Variants in PLA2G4A observed in about 807,000 individuals in gnomAD.
The protein encoded by PLA2G4A is phospholipase A2 group IVA.
Under a neutral mutation model 81.9 loss-of-function variants are expected in PLA2G4A, and 40 were observed. That is an observed-to-expected ratio of 0.49 (90% confidence interval 0.38 to 0.64). The LOEUF (loss-of-function observed/expected upper bound fraction) is 0.64, where lower values mean the gene tolerates loss of function less well. Ranked by LOEUF, PLA2G4A falls within the 30% of genes least tolerant of loss-of-function variation. The pLI is 0.00. For missense variants in PLA2G4A, 715 were observed against 905.1 expected (o/e 0.79, Z 2.69); for synonymous variants, 302 against 296.9 (o/e 1.02, Z -0.18).
chr1:186,844,637 C>T (rs996796563), intron 1 of PLA2G4A, among the ~76,000 whole-genome samples: 1 of 151,986 alleles, frequency 6.6e-6, no homozygotes, highest in African/African-American at 2.4e-5. Context: ...GTTCTAGATC[C>T]CTGTTGGGGG....
At chr1:186,968,138 G>A (rs1045552152) in intron 15 of PLA2G4A, among the ~76,000 whole-genome samples, 3 of 151,864 alleles carry the variant, frequency 2.0e-5, no homozygotes, top group Non-Finnish European at 4.4e-5. Flanking sequence ...CACCAATGGG[G>A]GTATAAAATG....
At chr1:186,937,029 T>G (rs1655972322) in intron 8 of PLA2G4A, among the ~76,000 whole-genome samples, 1 of 71,060 alleles carries the variant, frequency 1.4e-5, no homozygotes, top group Middle Eastern at 9.6e-3. Flanking sequence ...TACTTTTATG[T>G]TTTTTTTTTT....
chr1:186,971,292 T>C (rs1657346786), intron 15 of PLA2G4A, among the ~76,000 whole-genome samples: 1 of 151,968 alleles, frequency 6.6e-6, no homozygotes, highest in Non-Finnish European at 1.5e-5. Flanking sequence ...TTTTAATAAC[T>C]GTAGCTTTAT....
At chr1:186,893,810 G>T (rs1571374652) in intron 4 of PLA2G4A, among the ~76,000 whole-genome samples, 1 of 151,428 alleles carries the variant, frequency 6.6e-6, no homozygotes, top group East Asian at 2.0e-4. Flanking sequence ...TGTAATCCCA[G>T]CTACTCAGGA....
chr1:186,876,858 C>T (rs746310206), intron 3 of PLA2G4A, among the ~76,000 whole-genome samples: 14 of 152,044 alleles, frequency 9.2e-5, no homozygotes, highest in Non-Finnish European at 1.5e-4. Flanking sequence ...AAGGGTAACC[C>T]TCTTTCCTTC....
chr1:186,890,577 C>T (rs747576365), intron 3 of PLA2G4A, among the ~76,000 whole-genome samples: 11 of 152,098 alleles, frequency 7.2e-5, no homozygotes, highest in African/African-American at 9.7e-5. Context: ...CGTTACTGGC[C>T]GGGCATGGTG....
chr1:186,975,638 G>C (rs55834900), intron 15 of PLA2G4A, among the ~76,000 whole-genome samples: 10,188 of 152,286 alleles, frequency 0.067, 385 homozygotes, highest in Middle Eastern at 0.11. Context: ...AAATAGAGAT[G>C]AGATGGGATT....
intron 8 of PLA2G4A, among the ~76,000 whole-genome samples, chr1:186,938,640 C>A (rs570267721): frequency 6.6e-6 from 1 of 152,096 alleles, no homozygotes; most frequent in Non-Finnish European, 1.5e-5. Context: ...AGTCTTGGAG[C>A]CAGACAAGTC....
intron 17 of PLA2G4A, among the ~76,000 whole-genome samples, chr1:186,986,156 A>G (rs1657884672): frequency 6.6e-6 from 1 of 152,192 alleles, no homozygotes; most frequent in Non-Finnish European, 1.5e-5. Context: ...TTCCTTTATC[A>G]GAATGGCTTG....
chr1:186,988,664 A>G lies in PLA2G4A; in HGVS notation c.*156A>G, dbSNP rs1005895400. The stretch of plus-strand genomic sequence containing the variant: ...TACTTAGCTGCATGAGAATAATACT[A>G]TTATAAGTTAGGTTGACAAATGATG... On this transcript the variant is annotated 3_prime_UTR_variant, in exon 18 of 18. Transcript: ENST00000367466. 3.2e-6 allele frequency: 2 copies of G among 624,788 alleles called. No individual in the cohort carries two copies. The highest frequency in any genetic ancestry group is 5.9e-6 in the Non-Finnish European group (2 of 340,858). The allele number at this position is 624,788 out of a possible 1,614,324, so 38.7% of individuals were successfully genotyped here. A position where few individuals can be genotyped will look rare whatever the true frequency, so the allele number is the denominator to read the frequency against.
At chr1:186,892,392 C>T (rs941131221) in intron 3 of PLA2G4A, among the ~76,000 whole-genome samples, 1 of 152,082 alleles carries the variant, frequency 6.6e-6, no homozygotes, top group African/African-American at 2.4e-5. Context: ...TGGAGATTTT[C>T]CCCAATGTTT....
chr1:186,917,110 G>T (rs1655166067), intron 7 of PLA2G4A, among the ~76,000 whole-genome samples: 1 of 151,980 alleles, frequency 6.6e-6, no homozygotes, highest in Admixed American at 6.6e-5. Flanking sequence ...CAGCTGTGGG[G>T]GTGTTCAGGA....
intron 7 of PLA2G4A, among the ~76,000 whole-genome samples, chr1:186,917,232 G>C (rs751221242): frequency 3.3e-5 from 5 of 152,024 alleles, no homozygotes; most frequent in Non-Finnish European, 7.3e-5. Context: ...AAGCTGATGG[G>C]ACACCTCTCA....
At chr1:186,949,394 G>GAA (rs1553219106) in intron 12 of PLA2G4A, among the ~76,000 whole-genome samples, 2 of 17,490 alleles carry the variant, frequency 1.1e-4, no homozygotes, top group African/African-American at 1.0e-3. Context: ...AAAGAAAAAA[G>GAA]AAAAAGAAAG....
At chr1:186,920,122 CTT>C (rs1655294110) in intron 7 of PLA2G4A, among the ~76,000 whole-genome samples, 1 of 152,174 alleles carries the variant, frequency 6.6e-6, no homozygotes, top group Non-Finnish European at 1.5e-5. Context: ...GGTTTTATCT[CTT>C]GGCCTGGCTC....
At chr1:186,835,656 A>T (rs1468494467) in intron 1 of PLA2G4A, among the ~76,000 whole-genome samples, 2 of 152,208 alleles carry the variant, frequency 1.3e-5, no homozygotes, top group South Asian at 2.1e-4. Context: ...TGACGTCATG[A>T]ACTTAGATCT....
At chr1:186,926,905 A>G (rs1655569907) in intron 7 of PLA2G4A, among the ~76,000 whole-genome samples, 1 of 152,114 alleles carries the variant, frequency 6.6e-6, no homozygotes, top group African/African-American at 2.4e-5. Context: ...GTGGCATAAC[A>G]CTCGTGGTCA....
chr1:186,844,781 T>G (rs937214830), intron 1 of PLA2G4A, among the ~76,000 whole-genome samples: 2 of 152,160 alleles, frequency 1.3e-5, no homozygotes, highest in Admixed American at 1.3e-4. Context: ...AAACTTAAAG[T>G]ATAATAAAAA....
intron 4 of PLA2G4A, 72 bp downstream of exon 4, chr1:186,893,231 T>C (rs1169841885): frequency 7.6e-7 from 1 of 1,314,530 alleles, no homozygotes; most frequent in East Asian, 2.3e-5. Flanking sequence ...TTTGTCCTTT[T>C]ACTGCCTTTT....
Sources: allele counts gnomAD v4.1 joint callset (sites outside exome capture counted in the v4.1 genomes callset), GRCh38; gene constraint gnomAD v4.1.1; transcripts MANE v1.5; gene names NCBI Gene and HGNC (gene_info 2026-07-23, HGNC 2026-07-21).